SLC49A3: variants seen among roughly 807,000 people sequenced by gnomAD.
SLC49A3 encodes solute carrier family 49 member A3.
Under a neutral mutation model 43.8 loss-of-function variants are expected in SLC49A3, and 50 were observed. The observed-to-expected ratio is 1.14, with a 90% CI of 0.91 to 1.45. The LOEUF (loss-of-function observed/expected upper bound fraction) is 1.45, where lower values mean the gene tolerates loss of function less well. SLC49A3 is among the 40% of genes most tolerant of loss of function. SLC49A3 has a pLI of 0.00. For missense variants in SLC49A3, 906 were observed against 774.1 expected (o/e 1.17, Z -2.02); for synonymous variants, 413 against 352.0 (o/e 1.17, Z -1.94).
At chr4:677,055 A>G, downstream of SLC49A3, 2 of 390,832 alleles carry the variant, frequency 5.1e-6, no homozygotes, top group African/African-American at 2.2e-5. Context: ...CAGGGATCCC[A>G]CCTGCTGTTG....
intron 8 of SLC49A3, 144 bp downstream of exon 8, chr4:683,066 A>G (rs1208434758): frequency 1.6e-6 from 2 of 1,222,886 alleles, no homozygotes; most frequent in Non-Finnish European, 2.3e-6. Context: ...GCAGGTGCTC[A>G]GAACCTGCTC....
intron 8 of SLC49A3, 128 bp downstream of exon 8, chr4:683,081 CT>C: frequency 1.5e-6 from 2 of 1,318,414 alleles, no homozygotes; most frequent in Non-Finnish European, 2.1e-6. Flanking sequence ...CTGCTCGGCC[CT>C]TGCCAGAGCA....
chr4:681,824 G>A (rs965336447), downstream of SLC49A3: 3 of 1,269,748 alleles, frequency 2.4e-6, no homozygotes, highest in African/African-American at 4.6e-5. Flanking sequence ...CACACCCGGG[G>A]CCGCTGCAGG....
chr4:688,686 C>A (rs187463760), intron 1 of SLC49A3, among the ~76,000 whole-genome samples: 1 of 152,146 alleles, frequency 6.6e-6, no homozygotes, highest in Non-Finnish European at 1.5e-5. Context: ...AGGGCCAACG[C>A]AGGGCCACCT....
At chr4:689,217 A>AGGTGGGGCCG, upstream of SLC49A3, 1 of 1,023,260 alleles carries the variant, frequency 9.8e-7, no homozygotes, top group Non-Finnish European at 1.2e-6. Context: ...CTGCGGGCGG[A>AGGTGGGGCCG]GGTGGGGCCG....
chr4:688,657 GGGAGGCGT>G (rs922844644), intron 1 of SLC49A3, among the ~76,000 whole-genome samples: 20 of 152,192 alleles, frequency 1.3e-4, no homozygotes, highest in African/African-American at 4.8e-4. Flanking sequence ...TCCTGGGGCT[GGGAGGCGT>G]GGAAGGAGAG....
At position 682,884 on chromosome 4, in the gene SLC49A3, G is replaced by C. The variant is rs553322186; in HGVS notation, c.1158C>G (p.Ala386=). The C allele has an allele frequency of 2.5e-6, 4 of 1,590,946 alleles. No individual in the cohort carries two copies. Among genetic ancestry groups the C allele is most frequent in the Admixed American group, 3.4e-5 (2 of 59,034 alleles). The change falls in exon 9 of 10, where the codon GCC becomes GCG. Residue 386 remains alanine (A), a synonymous_variant. Transcript: ENST00000322224. ...TTGCCAGCATGATGAGTATTCCCTC[G>C]GCCTGCCTGGACACACGTGGCCCTC... ...ATGMIFVLGQ[A]EGILIMLAMT...
downstream of SLC49A3, chr4:680,364 A>C (rs1739332844): frequency 1.2e-6 from 1 of 857,234 alleles, no homozygotes; most frequent in Non-Finnish European, 1.9e-6. Flanking sequence ...GGAAAGGAGA[A>C]GGCCTTCAGG....
At chr4:681,273 G>A (rs1253427653), downstream of SLC49A3, 14 of 1,067,890 alleles carry the variant, frequency 1.3e-5, no homozygotes, top group South Asian at 1.2e-4. Context: ...GCCCCCGGGG[G>A]GCTCCCGAAG....
At chr4:683,106 C>T in intron 8 of SLC49A3, 104 bp downstream of exon 8, 2 of 1,470,366 alleles carry the variant, frequency 1.4e-6, no homozygotes, top group Non-Finnish European at 9.3e-7. Context: ...AGGTTCCCCA[C>T]CTCCCCGAAA....
downstream of SLC49A3, chr4:680,157 G>C: frequency 1.1e-6 from 1 of 883,376 alleles, no homozygotes; most frequent in Non-Finnish European, 1.7e-6. Flanking sequence ...AACAACTGTG[G>C]GGCCCCGTCA....
At chr4:676,938 C>G (rs1438499615), downstream of SLC49A3, 1 of 985,248 alleles carries the variant, frequency 1.0e-6, no homozygotes, top group Non-Finnish European at 1.2e-6. Context: ...GGCAGCATCT[C>G]AGGGGACGCC....
At chr4:684,686 T>C (rs1170365696) in intron 5 of SLC49A3, 33 bp downstream of exon 5, 1 of 1,604,984 alleles carries the variant, frequency 6.2e-7, no homozygotes, top group East Asian at 2.2e-5. Context: ...CACCCCCAAA[T>C]CCACCCTACC....
chr4:680,583 G>A (rs778732180), downstream of SLC49A3: 1 of 1,612,722 alleles, frequency 6.2e-7, no homozygotes, highest in Non-Finnish European at 8.5e-7. Context: ...AATCAACAAG[G>A]AGTAGTGAGT....
rs539825875 is a variant in SLC49A3, at chr4:682,698, G to A, written c.1261+83C>T. The A allele has an allele frequency of 6.0e-6, 7 of 1,163,978 alleles. No individual in the cohort carries two copies. The African/African-American group carries it at 9.2e-5, about 15-fold the overall frequency. 72.1% of individuals were successfully genotyped at this position (1,163,978 alleles called of 1,614,324 possible). A position where few individuals can be genotyped will look rare whatever the true frequency, so the allele number is the denominator to read the frequency against. On this transcript the variant is annotated intron_variant, in intron 9 of 9. Transcript: ENST00000322224. ...CCTGCTGTTTAGGGCTCCCCACGTA[G>A]GGTTCACCTGTCCCGCTCCCAGGGA...
chr4:684,573 G>A lies in SLC49A3; in HGVS notation c.750C>T (p.Ile250=), dbSNP rs766772840. 7 of 1,613,114 alleles carry A rather than the reference G, an allele frequency of 4.3e-6. No homozygotes were observed. The South Asian group carries it at 7.7e-5, about 18-fold the overall frequency. Residue 250 remains isoleucine (I), a synonymous_variant, in exon 6 of 10, where the codon ATC becomes ATT. Coordinates refer to ENST00000322224, the MANE Select transcript of SLC49A3 (RefSeq NM_032219.4). ...KLLMWNKAYV[I]LAVCLGGMIG... Reference sequence around the variant, plus strand: ...TCATTCCCCCCAAGCACACAGCCAGGATGACATAGGCCTTGTTCCACATGA... The same window carrying A: ...TCATTCCCCCCAAGCACACAGCCAGAATGACATAGGCCTTGTTCCACATGA...
At chr4:677,507 C>G (rs74905711), downstream of SLC49A3, among the ~76,000 whole-genome samples, 2 of 152,230 alleles carry the variant, frequency 1.3e-5, no homozygotes, top group Admixed American at 1.3e-4. Context: ...GGGGTGGTCC[C>G]AGGGCCAAGG....
In SLC49A3 at chr4:684,854, G is replaced by A. The variant is rs959604140; in HGVS notation, c.588C>T (p.Leu196=). The A allele has an allele frequency of 6.2e-6, 10 of 1,611,348 alleles. No homozygotes were observed. In the East Asian group the frequency reaches 6.7e-5, roughly 11 times the overall value. ...CGCCAGCAGGGATGGTATAGACACC[G>A]AGCTGGGGAGGGGTGTGTGTGCACA... The part of the protein sequence containing the change: ...VKKGEDIPLM[L]GVYTIPAGVV... Residue 196 remains leucine (L), a splice_region_variant and synonymous_variant, in exon 5 of 10, where the codon CTC becomes CTT. Coordinates refer to ENST00000322224, the MANE Select transcript of SLC49A3 (RefSeq NM_032219.4).
At chr4:686,861 C>T (rs557104347) in intron 1 of SLC49A3, among the ~76,000 whole-genome samples, 171 bp from the exon 2 acceptor site, 107 of 152,314 alleles carry the variant, frequency 7.0e-4, no homozygotes, top group Non-Finnish European at 1.1e-3. Context: ...CTGCCTCCCC[C>T]GAGGGCGGGC....
Sources: allele counts gnomAD v4.1 joint callset (sites outside exome capture counted in the v4.1 genomes callset), GRCh38; gene constraint gnomAD v4.1.1; transcripts MANE v1.5; gene names NCBI Gene and HGNC (gene_info 2026-07-23, HGNC 2026-07-21).